RGS3: variants seen among roughly 807,000 people sequenced by gnomAD.
RGS3 encodes regulator of G-protein signalling 3.
A neutral mutation model predicts 132.6 loss-of-function variants in RGS3; 80 were observed. The ratio of observed to expected loss-of-function variants is 0.60; its 90% CI spans 0.50 to 0.73. The LOEUF is 0.73. RGS3 is among the 30% of genes least tolerant of loss of function. The probability of loss-of-function intolerance (pLI) is 0.00; values close to 1 mark genes in which losing one functional copy is unlikely to be tolerated. For missense variants in RGS3, 1,382 were observed against 1,530.8 expected (o/e 0.90, Z 1.62); for synonymous variants, 598 against 620.6 (o/e 0.96, Z 0.54).
chr9:113,594,323 G>GAC (rs774687378), intron 21 of RGS3, 107 bp from the exon 20 acceptor site: 1 of 1,591,292 alleles, frequency 6.3e-7, no homozygotes, highest in South Asian at 1.1e-5. Context: ...CTGCAGAGGC[G>GAC]ACACACGATG....
chr9:113,535,247 C>G (rs756376066), intron 18 of RGS3, among the ~76,000 whole-genome samples: 1 of 152,092 alleles, frequency 6.6e-6, no homozygotes, highest in Non-Finnish European at 1.5e-5. Flanking sequence ...GATCCTGGCT[C>G]ACTGCAACCT....
intron 1 of RGS3, among the ~76,000 whole-genome samples, chr9:113,453,034 ATATATAT>A (rs1471337381): frequency 8.2e-6 from 1 of 121,844 alleles, no homozygotes; most frequent in Non-Finnish European, 1.7e-5. Flanking sequence ...ATAATATATA[ATATATAT>A]AATATATAAT....
intron 1 of RGS3, among the ~76,000 whole-genome samples, chr9:113,454,185 T>G (rs1265210939): frequency 6.6e-6 from 1 of 152,230 alleles, no homozygotes; most frequent in African/African-American, 2.4e-5. Flanking sequence ...TTTTTCTGCT[T>G]CTTTGCCATA....
intron 18 of RGS3, 56 bp from the exon 17 acceptor site, chr9:113,536,740 C>A: frequency 6.3e-7 from 1 of 1,590,014 alleles, no homozygotes; most frequent in Admixed American, 1.7e-5. Flanking sequence ...GCCTGGGAGC[C>A]CCCTGAACCA....
In RGS3 at chr9:113,514,661, C is replaced by A; in HGVS notation, c.1674+7C>A. 2 of 1,612,580 alleles carry A rather than the reference C, an allele frequency of 1.2e-6. No individual in the cohort carries two copies. The highest frequency in any genetic ancestry group is 1.7e-6 in the Non-Finnish European group (2 of 1,179,674). On this transcript the variant is annotated splice_region_variant and intron_variant, in intron 15 of 24. Transcript: ENST00000350696. ...GTTCCCTGTCTTTGTTCAGGTGAGCCCGTGGCTGGTCTTAAAGGTTCCCTC... is the reference window on the plus strand; with the variant it reads ...GTTCCCTGTCTTTGTTCAGGTGAGCACGTGGCTGGTCTTAAAGGTTCCCTC...
At chr9:113,583,849 C>G (rs764504042) in exon 20 of RGS3, 6 of 1,613,892 alleles carry the variant, frequency 3.7e-6, no homozygotes, top group Non-Finnish European at 2.5e-6. Flanking sequence ...GGACCTTCCA[C>G]CCTGTCAAGA....
chr9:113,463,505 G>A lies in RGS3; in HGVS notation c.415+1304G>A, dbSNP rs756883302. Among the ~76,000 whole-genome samples the A allele has an allele frequency of 2.0e-5, 3 of 152,162 alleles. No homozygotes were observed. The highest frequency in any genetic ancestry group is 6.5e-5 in the Admixed American group (1 of 15,288). ...CAACCGGGAGCGCGGTGCTGGGGCC[G>A]GGATACCCGGGGTGGCCGCACCGTC... On this transcript the variant is annotated intron_variant, in intron 3 of 24. Coordinates refer to ENST00000350696, the Ensembl canonical transcript of RGS3. This position sits in a 1 kb window ranked among gnomAD's most constrained non-coding sequence, Gnocchi z 4.6.
intron 19 of RGS3, among the ~76,000 whole-genome samples, chr9:113,543,521 G>A (rs925633472): frequency 4.6e-5 from 7 of 152,320 alleles, no homozygotes; most frequent in South Asian, 2.1e-4. Context: ...CTCAGCCCGC[G>A]GGGGGGATTT....
chr9:113,592,161 C>T (rs1193623920), intron 21 of RGS3: 1 of 152,354 alleles, frequency 6.6e-6, no homozygotes. Context: ...TGGGTGGGGT[C>T]CACTACCCTA....
intron 4 of RGS3, among the ~76,000 whole-genome samples, chr9:113,482,797 C>A (rs1830206076): frequency 6.6e-6 from 1 of 152,142 alleles, no homozygotes; most frequent in East Asian, 1.9e-4. Flanking sequence ...ATTGAATGTA[C>A]CTCGTAATGC....
chr9:113,553,077 A>T (rs1030646887), intron 19 of RGS3, among the ~76,000 whole-genome samples: 1 of 152,098 alleles, frequency 6.6e-6, no homozygotes, highest in African/African-American at 2.4e-5. Flanking sequence ...CCCCATGCAC[A>T]TATGTAGACA....
chr9:113,461,743 T>C (rs749971795), exon 2 of RGS3: 2 of 1,614,146 alleles, frequency 1.2e-6, no homozygotes, highest in East Asian at 4.5e-5. Context: ...CCAATTTTCT[T>C]TCTGGATCTC....
At chr9:113,499,826 C>T (rs1190378819) in intron 10 of RGS3, among the ~76,000 whole-genome samples, 1 of 152,214 alleles carries the variant, frequency 6.6e-6, no homozygotes, top group Non-Finnish European at 1.5e-5. Context: ...GTTTACCTGG[C>T]ACATGTGTCT....
intron 1 of RGS3, among the ~76,000 whole-genome samples, chr9:113,447,339 A>ATATATATATATATATATATATG (rs1829133430): frequency 2.2e-5 from 2 of 90,002 alleles, no homozygotes; most frequent in Non-Finnish European, 4.7e-5. Context: ...GTATATATAT[A>ATATATATATATATATATATATG]TATATATATA....
intron 20 of RGS3, among the ~76,000 whole-genome samples, chr9:113,588,170 G>A (rs1835219509): frequency 6.6e-6 from 1 of 152,150 alleles, no homozygotes; most frequent in South Asian, 2.1e-4. Flanking sequence ...GTCCACAGAG[G>A]GTGCCAGCCC....
At chr9:113,583,264 A>G in intron 19 of RGS3, 186 bp from the exon 18 acceptor site, 1 of 1,054,862 alleles carries the variant, frequency 9.5e-7, no homozygotes. Context: ...TCAAGCAAGA[A>G]GACAGGGTGA....
chr9:113,563,298 G>A (rs111430423), intron 19 of RGS3, among the ~76,000 whole-genome samples: 5 of 152,290 alleles, frequency 3.3e-5, no homozygotes, highest in African/African-American at 7.2e-5. Flanking sequence ...TGAATGCAGG[G>A]CCCTGCCTAT....
At position 113,593,828 on chromosome 9, in the gene RGS3, C is replaced by T. The variant is rs974306533; in HGVS notation, c.3081-602C>T. 2.7e-5 allele frequency: 34 copies of T among 1,272,586 alleles called. No homozygotes were observed. The East Asian group carries it at 3.7e-4, about 14-fold the overall frequency. The allele number at this position is 1,272,586 out of a possible 1,614,324, so 78.8% of individuals were successfully genotyped here. A position where few individuals can be genotyped will look rare whatever the true frequency, so the allele number is the denominator to read the frequency against. On this transcript the variant is annotated intron_variant, in intron 21 of 24. Transcript: ENST00000350696. The stretch of plus-strand genomic sequence containing the variant: ...CTAAAAATAGCCAGTCCTGCCACCC[C>T]GGTGGTGGGCAGTGCCTCCCCTGGC...
At chr9:113,530,972 A>G (rs1832436971) in intron 18 of RGS3, among the ~76,000 whole-genome samples, 3 of 152,220 alleles carry the variant, frequency 2.0e-5, no homozygotes, top group Admixed American at 2.0e-4. Context: ...ACTTCTGACA[A>G]GTGATTTCTC....
Sources: allele counts gnomAD v4.1 joint callset (sites outside exome capture counted in the v4.1 genomes callset), GRCh38; gene constraint gnomAD v4.1.1; non-coding constraint Gnocchi (gnomAD v3.1); transcripts MANE v1.5; gene names NCBI Gene and HGNC (gene_info 2026-07-23, HGNC 2026-07-21).